The following GCH1 variants were observed in gnomAD, a reference collection of about 807,000 sequenced individuals.
GCH1 encodes the protein GTP cyclohydrolase 1, also known as GTP cyclohydrolase I.
In GCH1, 5 loss-of-function variants were observed where a neutral mutation model predicts 25.9. The ratio of observed to expected loss-of-function variants is 0.19; its 90% CI spans 0.10 to 0.41. The LOEUF is 0.41. Among genes scored for constraint, GCH1 ranks in the 10% least tolerant of loss-of-function variants. The pLI is 1.00. For missense variants in GCH1, 261 were observed against 336.5 expected (o/e 0.78, Z 1.75); for synonymous variants, 159 against 129.6 (o/e 1.23, Z -1.54).
At chr14:54,895,532 G>C (rs535154129) in intron 1 of GCH1, among the ~76,000 whole-genome samples, 3 of 152,296 alleles carry the variant, frequency 2.0e-5, no homozygotes, top group African/African-American at 7.2e-5. Flanking sequence ...GGAAGGGTCA[G>C]TTACAGGGGC....
intron 2 of GCH1, among the ~76,000 whole-genome samples, chr14:54,863,719 C>T (rs888125133): frequency 4.0e-5 from 6 of 151,878 alleles, no homozygotes; most frequent in Admixed American, 2.6e-4. Context: ...AGTTGAAAAA[C>T]AAGAAAACGA....
chr14:54,866,346 C>T (rs2039989480), intron 1 of GCH1, among the ~76,000 whole-genome samples: 1 of 151,906 alleles, frequency 6.6e-6, no homozygotes, highest in African/African-American at 2.4e-5. Context: ...GGTACCCAAA[C>T]AACATTGTAG....
chr14:54,859,771 A>G, intron 2 of GCH1, 35 bp from the exon 3 acceptor site: 2 of 1,146,566 alleles, frequency 1.7e-6, no homozygotes, highest in East Asian at 2.3e-5. Flanking sequence ...TAGCTGAGTG[A>G]AAATACAGTG....
chr14:54,842,930 G>C lies in GCH1; in HGVS notation c.*1087C>G. ...AGGAAACCGGGACCAGAAGCTTCCA[G>C]TGCATTTTCACAGATCGTTGGTACG... is the stretch of plus-strand genomic sequence containing the variant. On this transcript the variant is annotated 3_prime_UTR_variant, in exon 6 of 6. Coordinates refer to ENST00000491895, the MANE Select transcript of GCH1 (RefSeq NM_000161.3). 1 of 644,870 alleles carries C rather than the reference G, an allele frequency of 1.6e-6. No individual in the cohort carries two copies. Among genetic ancestry groups the C allele is most frequent in the Non-Finnish European group, 2.8e-6 (1 of 352,932 alleles). 39.9% of individuals were successfully genotyped at this position (644,870 alleles called of 1,614,324 possible).
chr14:54,855,697 C>A (rs1407751766), intron 3 of GCH1, among the ~76,000 whole-genome samples: 1 of 151,490 alleles, frequency 6.6e-6, no homozygotes, highest in East Asian at 1.9e-4. Context: ...ATCAGTAATC[C>A]CAGCTACTGG....
At chr14:54,859,610 A>T in intron 3 of GCH1, 71 bp downstream of exon 3, 2 of 850,588 alleles carry the variant, frequency 2.4e-6, no homozygotes, top group Non-Finnish European at 4.1e-6. Flanking sequence ...AAGCCTGATG[A>T]GATAGATTCT....
At chr14:54,852,126 G>A (rs1470193773) in intron 3 of GCH1, among the ~76,000 whole-genome samples, 1 of 152,080 alleles carries the variant, frequency 6.6e-6, no homozygotes, top group Non-Finnish European at 1.5e-5. Context: ...GCTCAAGGTC[G>A]ACAGGTTCTC....
In GCH1 at chr14:54,876,241, G is replaced by A. The variant is rs143080866; in HGVS notation, c.344-10805C>T. On this transcript the variant is annotated intron_variant, in intron 1 of 5. Transcript: ENST00000491895. ...AAGCCATCATTCTCAGCAAACTATT[G>A]CAAGGACAAAAAGCACCGCATGTTC... Among the ~76,000 whole-genome samples the A allele has an allele frequency of 5.9e-5, 9 of 152,138 alleles. No individual in the cohort carries two copies. In the East Asian group the frequency reaches 1.7e-3, roughly 29 times the overall value.
intron 1 of GCH1, among the ~76,000 whole-genome samples, chr14:54,881,911 C>T (rs779172903): frequency 2.6e-5 from 4 of 152,172 alleles, no homozygotes; most frequent in Admixed American, 6.5e-5. Context: ...TCAGCCAACC[C>T]AGTACTGATG....
chr14:54,858,688 C>T (rs1244402436), intron 3 of GCH1, among the ~76,000 whole-genome samples: 1 of 151,954 alleles, frequency 6.6e-6, no homozygotes, highest in Non-Finnish European at 1.5e-5. Flanking sequence ...ACACTTTACC[C>T]GACCCCTTCA....
At chr14:54,870,918 G>T (rs563297829) in intron 1 of GCH1, among the ~76,000 whole-genome samples, 1 of 152,326 alleles carries the variant, frequency 6.6e-6, no homozygotes, top group South Asian at 2.1e-4. Context: ...CTCCACCTCT[G>T]GGGGCACGGC....
chr14:54,859,808 A>G, intron 2 of GCH1, 72 bp from the exon 3 acceptor site: 3 of 812,798 alleles, frequency 3.7e-6, no homozygotes, highest in Non-Finnish European at 6.6e-6. Context: ...ATAAGGAAAT[A>G]TAGAAAGAAT....
Position 54,865,454 on chromosome 14 carries a change from C to T in GCH1, c.344-18G>A. 8.3e-7 allele frequency: 1 copy of T among 1,204,534 alleles called. No individual in the cohort carries two copies. The highest frequency in any genetic ancestry group is 1.2e-6 in the Non-Finnish European group (1 of 809,148). The allele number at this position is 1,204,534 out of a possible 1,614,324, so 74.6% of individuals were successfully genotyped here. On this transcript the variant is annotated intron_variant, in intron 1 of 5. Transcript: ENST00000491895. ...TAGGACATCTGAAATCAGAGGCTTG[C>T]TTTAGTAACATGTCCAATTTTATAG...
At chr14:54,891,520 G>T (rs534250491) in intron 1 of GCH1, among the ~76,000 whole-genome samples, 1 of 147,856 alleles carries the variant, frequency 6.8e-6, no homozygotes, top group East Asian at 2.0e-4. Flanking sequence ...AGTGATTCTC[G>T]TGCCTCAGCC....
chr14:54,845,276 G>T (rs183310332), intron 5 of GCH1, among the ~76,000 whole-genome samples: 4 of 151,010 alleles, frequency 2.6e-5, no homozygotes, highest in African/African-American at 9.7e-5. Context: ...TCAGGAGTTC[G>T]AGACCAGCCT....
intron 3 of GCH1, among the ~76,000 whole-genome samples, chr14:54,850,290 A>G (rs538634829): frequency 3.4e-5 from 5 of 145,420 alleles, no homozygotes; most frequent in African/African-American, 1.3e-4. Flanking sequence ...CAATTTTTTT[A>G]TATATAAGTA....
chr14:54,893,961 G>C (rs1190270594), intron 1 of GCH1, among the ~76,000 whole-genome samples: 1 of 152,128 alleles, frequency 6.6e-6, no homozygotes, highest in Non-Finnish European at 1.5e-5. Flanking sequence ...CTATCTGCTA[G>C]GCTGTAAGTT....
At chr14:54,858,762 C>T (rs1199124873) in intron 3 of GCH1, among the ~76,000 whole-genome samples, 1 of 152,094 alleles carries the variant, frequency 6.6e-6, no homozygotes, top group Non-Finnish European at 1.5e-5. Context: ...TCCTCCATCA[C>T]TCAAAATTCA....
rs35880039 is a variant in GCH1 at position 54,862,613 on chromosome 14, GTT to G, written c.453+2712_453+2713del. Among the ~76,000 whole-genome samples, 356 of 105,772 alleles carry G rather than the reference GTT, an allele frequency of 3.4e-3. 5 individuals are homozygous for G. In the Admixed American group the frequency reaches 0.035, roughly 10 times the overall value. 69.4% of individuals were successfully genotyped at this position (105,772 alleles called of 152,430 possible). On this transcript the variant is annotated intron_variant, in intron 2 of 5. Transcript: ENST00000491895. ...TTTTCGTTTTTTTTTTTTTTGGTTG[GTT>G]TTTTTTTTTTTGGTAGAGACAGGGT...
Sources: gnomAD v4.1 joint callset for allele counts (sites outside exome capture counted in the v4.1 genomes callset) on GRCh38, gnomAD v4.1.1 for gene constraint, MANE v1.5 for transcripts, NCBI Gene and HGNC (gene_info 2026-07-23, HGNC 2026-07-21) for gene names.